The following CCDC171 variants were observed in gnomAD, a reference collection of about 807,000 sequenced individuals.
CCDC171 encodes the protein coiled-coil domain-containing protein 171.
CCDC171 carries 177 observed loss-of-function variants against 168.2 expected under a neutral mutation model. The observed-to-expected ratio is 1.05, with a 90% CI of 0.93 to 1.19. The LOEUF is 1.19. Ranked by LOEUF, CCDC171 falls within the 50% of genes most tolerant of loss-of-function variation. The probability of loss-of-function intolerance (pLI) is 0.00; values close to 1 mark genes in which losing one functional copy is unlikely to be tolerated. For missense variants in CCDC171, 1,991 were observed against 1,539.0 expected (o/e 1.29, Z -4.91); for synonymous variants, 687 against 540.8 (o/e 1.27, Z -3.75).
chr9:15,891,522 T>C (rs1218362405), intron 24 of CCDC171, among the ~76,000 whole-genome samples: 1 of 152,182 alleles, frequency 6.6e-6, no homozygotes, highest in African/African-American at 2.4e-5. Flanking sequence ...GTGCTGGTTA[T>C]CACTTTGTTT....
chr9:16,018,649 G>A (rs1292557522), intron 3 of CCDC171, among the ~76,000 whole-genome samples: 1 of 152,200 alleles, frequency 6.6e-6, no homozygotes, highest in Non-Finnish European at 1.5e-5. Flanking sequence ...AGGGTTCACT[G>A]ATTACGTAGA....
chr9:15,961,238 T>A (rs1375719728), intron 25 of CCDC171, among the ~76,000 whole-genome samples: 2 of 152,188 alleles, frequency 1.3e-5, no homozygotes, highest in Admixed American at 6.6e-5. Context: ...TCTAAGTTTA[T>A]AGCTTCCAGA....
At chr9:15,713,210 CA>C (rs1182808158) in intron 11 of CCDC171, among the ~76,000 whole-genome samples, 1 of 152,078 alleles carries the variant, frequency 6.6e-6, no homozygotes, top group Admixed American at 6.6e-5. Flanking sequence ...TTCTTTTTAC[CA>C]CTGTTCTCCC....
intron 25 of CCDC171, among the ~76,000 whole-genome samples, chr9:15,967,449 G>T (rs747776129): frequency 2.0e-5 from 3 of 152,170 alleles, no homozygotes; most frequent in Non-Finnish European, 4.4e-5. Flanking sequence ...TTAGAACAAC[G>T]TGCAATGTGC....
chr9:15,906,474 G>C (rs572380344), intron 24 of CCDC171, among the ~76,000 whole-genome samples: 15 of 151,952 alleles, frequency 9.9e-5, no homozygotes, highest in East Asian at 1.9e-4. Context: ...ATTGGACAAC[G>C]CTTCATGCTA....
At chr9:16,082,450 C>T in the CCDC171 span, among the ~76,000 whole-genome samples, 7 of 152,070 alleles carry the variant, frequency 4.6e-5, no homozygotes, top group Non-Finnish European at 7.4e-5. Context: ...ACTGGTAGCC[C>T]GGGGTTTCCT....
intron 9 of CCDC171, among the ~76,000 whole-genome samples, chr9:15,672,841 C>T (rs1233036155): frequency 6.6e-6 from 1 of 152,114 alleles, no homozygotes; most frequent in Non-Finnish European, 1.5e-5. Flanking sequence ...AATGTGGGCT[C>T]TTTTTTGGTT....
intron 25 of CCDC171, among the ~76,000 whole-genome samples, chr9:15,970,479 T>C (rs778401420): frequency 6.6e-6 from 1 of 152,150 alleles, no homozygotes; most frequent in Non-Finnish European, 1.5e-5. Context: ...TCAGCAACAT[T>C]TATTTTGTGG....
At chr9:15,667,640 C>T (rs962824829) in intron 9 of CCDC171, among the ~76,000 whole-genome samples, 1 of 151,726 alleles carries the variant, frequency 6.6e-6, no homozygotes, top group African/African-American at 2.4e-5. Flanking sequence ...AGGGAGACTG[C>T]ATCTCAAAAA....
At chr9:15,601,341 A>G (rs1238194748) in intron 6 of CCDC171, among the ~76,000 whole-genome samples, 2 of 152,150 alleles carry the variant, frequency 1.3e-5, no homozygotes, top group South Asian at 2.1e-4. Context: ...TGAATTTGTT[A>G]TATATGTCAT....
At chr9:15,995,564 A>C (rs894378526) in intron 3 of CCDC171, among the ~76,000 whole-genome samples, 2 of 152,204 alleles carry the variant, frequency 1.3e-5, no homozygotes, top group Admixed American at 6.5e-5. Context: ...AGGAGCTGTC[A>C]TCAGCTGTCA....
exon 2 of CCDC171, chr9:16,061,240 C>G (rs539501718): frequency 6.6e-6 from 1 of 152,300 alleles, no homozygotes; most frequent in South Asian, 2.1e-4. Context: ...AGCCACTATG[C>G]TTGCTAGTGC....
chr9:16,086,210 A>T, the CCDC171 span, among the ~76,000 whole-genome samples: 1 of 151,850 alleles, frequency 6.6e-6, no homozygotes. Context: ...GAATTTATCC[A>T]TTTCGTCTAG....
At chr9:15,988,931 A>G (rs1199406378) in intron 3 of CCDC171, among the ~76,000 whole-genome samples, 1 of 152,100 alleles carries the variant, frequency 6.6e-6, no homozygotes, top group Non-Finnish European at 1.5e-5. Flanking sequence ...AGCGGCCGGG[A>G]AGCTCGAACT....
intron 25 of CCDC171, among the ~76,000 whole-genome samples, chr9:15,966,032 A>G (rs1032795156): frequency 2.0e-5 from 3 of 152,270 alleles, no homozygotes; most frequent in African/African-American, 7.2e-5. Context: ...AATCTTATTT[A>G]GTCCCAGATA....
At chr9:15,865,363 ATATATG>A (rs1181304675) in intron 23 of CCDC171, among the ~76,000 whole-genome samples, 6 of 142,478 alleles carry the variant, frequency 4.2e-5, no homozygotes, top group East Asian at 2.1e-4. Flanking sequence ...ACACACATAT[ATATATG>A]TATATTTGTC....
At chr9:16,104,289 A>G in the CCDC171 span, among the ~76,000 whole-genome samples, 1 of 150,184 alleles carries the variant, frequency 6.7e-6, no homozygotes, top group Non-Finnish European at 1.5e-5. Context: ...CCCCCTCCCC[A>G]CGGCTCATCT....
At chr9:15,983,505 T>A (rs575958994) in intron 3 of CCDC171, among the ~76,000 whole-genome samples, 11,171 of 144,000 alleles carry the variant, frequency 0.078, 1,286 homozygotes, top group African/African-American at 0.26. Context: ...TGTGTGTGTG[T>A]GTGTGTGAGA....
At chr9:16,106,351 C>T in the CCDC171 span, among the ~76,000 whole-genome samples, 1 of 152,198 alleles carries the variant, frequency 6.6e-6, no homozygotes, top group East Asian at 1.9e-4. Flanking sequence ...GCCCCTCGCA[C>T]AGCATGCTTT....
Sources: gnomAD v4.1 joint callset for allele counts (sites outside exome capture counted in the v4.1 genomes callset) on GRCh38, gnomAD v4.1.1 for gene constraint, MANE v1.5 for transcripts, NCBI Gene and HGNC (gene_info 2026-07-23, HGNC 2026-07-21) for gene names.